ZNF385C: variants seen among roughly 807,000 people sequenced by gnomAD.
ZNF385C encodes zinc finger protein 385C.
In ZNF385C, 28 loss-of-function variants were observed where a neutral mutation model predicts 35.4. The observed-to-expected ratio is 0.79, with a 90% CI of 0.59 to 1.08. ZNF385C has a LOEUF of 1.08. Ranked by LOEUF, ZNF385C falls within the 50% of genes least tolerant of loss-of-function variation. The probability of loss-of-function intolerance (pLI) is 0.00; values close to 1 mark genes in which losing one functional copy is unlikely to be tolerated. For synonymous variants in ZNF385C, 248 were observed against 248.2 expected (o/e 1.00, Z 0.01); for missense variants, 605 against 595.6 (o/e 1.02, Z -0.16).
intron 1 of ZNF385C, among the ~76,000 whole-genome samples, chr17:42,075,943 C>T (rs1182059112): frequency 2.6e-5 from 4 of 152,158 alleles, no homozygotes; most frequent in South Asian, 2.1e-4. Context: ...TAGAGCTGAG[C>T]GTCCTTGAAA....
At chr17:42,086,223 C>T (rs143415501) in intron 1 of ZNF385C, among the ~76,000 whole-genome samples, 2,829 of 151,280 alleles carry the variant, frequency 0.019, 89 homozygotes, top group African/African-American at 0.066. Flanking sequence ...GAAACCCCGT[C>T]TCTACTTAAA....
intron 2 of ZNF385C, among the ~76,000 whole-genome samples, chr17:42,046,753 T>TA (rs1158022730): frequency 6.6e-6 from 1 of 151,198 alleles, no homozygotes; most frequent in Non-Finnish European, 1.5e-5. Context: ...AAAGATAAAA[T>TA]AAAAATAGAA....
chr17:42,036,724 C>G (rs1555655511), intron 3 of ZNF385C, among the ~76,000 whole-genome samples: 2 of 152,036 alleles, frequency 1.3e-5, no homozygotes, highest in African/African-American at 4.8e-5. Flanking sequence ...CAGGGGCCCC[C>G]TGCAATTGGA....
rs781824968 is a variant in ZNF385C, at chr17:42,028,091, G to C, written c.1123C>G (p.Leu375Val). ...QGPSPAFHCA[L>V]CQLQVNSETQ... is the part of the protein sequence containing the mutation. ...TCTGAATTGACCTGGAGCTGACAGAGAGCACAGTGGAAGGCAGGGCTGGGC... is the reference window on the plus strand; with the variant it reads ...TCTGAATTGACCTGGAGCTGACAGACAGCACAGTGGAAGGCAGGGCTGGGC... The change falls in exon 7 of 9, where the codon CTC (leucine) becomes GTC (valine). Residue 375 changes from leucine to valine, a missense_variant. Coordinates refer to ENST00000692273, the MANE Select transcript of ZNF385C (RefSeq NM_001392013.1). 6.2e-7 allele frequency: 1 copy of C among 1,613,766 alleles called. No homozygotes were observed. The highest frequency in any genetic ancestry group is 1.1e-5 in the South Asian group (1 of 91,082).
Position 42,027,079 on chromosome 17 carries a change from G to A in ZNF385C, c.1330C>T (p.Pro444Ser), listed in dbSNP as rs1962385761. ...LTKTLAARFL[P>S]SPLPTAATAI... The stretch of plus-strand genomic sequence containing the variant: ...GTGGCTGCGGTGGGGAGCGGGCTGG[G>A]CAGGAAGCGGGCTGCCAACGTCTTG... The change falls in exon 9 of 9, where the codon CCC becomes TCC. Residue 444 changes from proline (P) to serine (S), a missense_variant. Pro to Ser is a moderately conservative substitution (Grantham distance 74). Coordinates refer to ENST00000692273, the MANE Select transcript of ZNF385C (RefSeq NM_001392013.1). The A allele has an allele frequency of 1.2e-6, 2 of 1,611,956 alleles. No individual in the cohort carries two copies. Among genetic ancestry groups the A allele is most frequent in the Non-Finnish European group, 1.7e-6 (2 of 1,179,062 alleles).
rs1180198871 is a variant in ZNF385C, at chr17:42,037,828, C to T, written c.308G>A (p.Arg103Gln). The change falls in exon 3 of 9, where the codon CGG becomes CAG. Residue 103 changes from arginine to glutamine, a missense_variant. By Grantham distance (43) the Arg-to-Gln change is conservative. Transcript: ENST00000692273. ...PLLASLPLPT[R>Q]PLQPPLDFKH... Reference sequence around the variant, plus strand: ...GAAGTCCAGCGGGGGCTGCAGAGGCCGGGTGGGCAGGGGCAGGGAGGCCAG... The same window carrying T: ...GAAGTCCAGCGGGGGCTGCAGAGGCTGGGTGGGCAGGGGCAGGGAGGCCAG... 1.2e-5 allele frequency: 18 copies of T among 1,519,182 alleles called. No homozygotes were observed. The highest frequency in any genetic ancestry group is 2.0e-4 in the Middle Eastern group (1 of 5,004). 94.1% of individuals were successfully genotyped at this position (1,519,182 alleles called of 1,614,324 possible). A position where few individuals can be genotyped will look rare whatever the true frequency, so the allele number is the denominator to read the frequency against.
chr17:42,093,644 G>A (rs138483791), intron 1 of ZNF385C, among the ~76,000 whole-genome samples: 5 of 149,102 alleles, frequency 3.4e-5, no homozygotes, highest in East Asian at 2.0e-4. Context: ...GCAGTGGCAC[G>A]ATGTTGGCTC....
chr17:42,082,984 G>A (rs2053764890), intron 1 of ZNF385C, among the ~76,000 whole-genome samples: 1 of 151,976 alleles, frequency 6.6e-6, no homozygotes, highest in African/African-American at 2.4e-5. Context: ...GGCTGAGGCA[G>A]GAGAATGGCA....
At chr17:42,055,341 G>A (rs536936346) in intron 2 of ZNF385C, among the ~76,000 whole-genome samples, 19 of 152,076 alleles carry the variant, frequency 1.2e-4, no homozygotes, top group African/African-American at 4.6e-4. Flanking sequence ...CCAGGGCAGG[G>A]ATCTGAGCTA....
intron 2 of ZNF385C, 156 bp from the exon 3 acceptor site, chr17:42,038,041 C>A: frequency 6.5e-7 from 1 of 1,535,768 alleles, no homozygotes; most frequent in Non-Finnish European, 8.7e-7. Flanking sequence ...ATTATAGCCC[C>A]CTTCTCTGTG....
chr17:42,069,169 C>A (rs1555658614), intron 1 of ZNF385C, among the ~76,000 whole-genome samples: 1 of 151,976 alleles, frequency 6.6e-6, no homozygotes, highest in Non-Finnish European at 1.5e-5. Flanking sequence ...GGGAGGGAGC[C>A]ACCCACTTGG....
rs372343455 is a variant in ZNF385C at position 42,028,186 on chromosome 17, C to T, written c.1028G>A (p.Arg343His). Residue 343 changes from arginine to histidine, a missense_variant, in exon 7 of 9, where the codon CGC becomes CAC. Arg to His is a conservative substitution (Grantham distance 29). Transcript: ENST00000692273. ...QRGAPRRSRG[R>H]PVSRGGAGHK... ...TCCGGCACCTCCCCTGGACACCGGG[C>T]GGCCCCGGCTCCTCCGGGGAGCCCC... is the stretch of plus-strand genomic sequence containing the variant. The T allele has an allele frequency of 2.8e-5, 44 of 1,593,876 alleles. No individual in the cohort carries two copies. The highest frequency in any genetic ancestry group is 3.4e-5 in the South Asian group (3 of 89,094).
chr17:42,084,553 A>G (rs1555659989), intron 1 of ZNF385C, among the ~76,000 whole-genome samples: 2 of 152,188 alleles, frequency 1.3e-5, no homozygotes, highest in African/African-American at 4.8e-5. Context: ...TGTTATTAAT[A>G]TAAACGTTTC....
chr17:42,040,000 G>A (rs1162543909), intron 2 of ZNF385C: 5 of 1,230,934 alleles, frequency 4.1e-6, no homozygotes, highest in South Asian at 4.1e-5. Context: ...GGTGCACAGG[G>A]CCCGCGGGCC....
At chr17:42,042,235 A>G (rs2053040822) in intron 2 of ZNF385C, among the ~76,000 whole-genome samples, 1 of 152,052 alleles carries the variant, frequency 6.6e-6, no homozygotes, top group Non-Finnish European at 1.5e-5. Flanking sequence ...AAAACAAAAA[A>G]CAGAGGCCAG....
At chr17:42,092,591 CA>C in intron 1 of ZNF385C, among the ~76,000 whole-genome samples, 1 of 152,178 alleles carries the variant, frequency 6.6e-6, no homozygotes, top group Non-Finnish European at 1.5e-5. Context: ...GCTAAAGTCT[CA>C]CTGGAGGACT....
chr17:42,087,010 C>T (rs951421675), intron 1 of ZNF385C, among the ~76,000 whole-genome samples: 2 of 151,838 alleles, frequency 1.3e-5, no homozygotes, highest in South Asian at 2.1e-4. Context: ...TTAGTAGAGA[C>T]GAGGATTTCT....
intron 1 of ZNF385C, among the ~76,000 whole-genome samples, chr17:42,091,952 T>A (rs782628529): frequency 6.6e-6 from 1 of 152,152 alleles, no homozygotes; most frequent in Non-Finnish European, 1.5e-5. Flanking sequence ...CTGCAGCCTG[T>A]GACTCTTTTA....
chr17:42,079,382 C>CAA (rs571676432), intron 1 of ZNF385C, among the ~76,000 whole-genome samples: 5 of 74,066 alleles, frequency 6.8e-5, no homozygotes, highest in African/African-American at 9.3e-5. Flanking sequence ...GACTCTGTCT[C>CAA]AAAAAAAAAA....
Sources: allele counts gnomAD v4.1 joint callset (sites outside exome capture counted in the v4.1 genomes callset), GRCh38; gene constraint gnomAD v4.1.1; transcripts MANE v1.5; gene names NCBI Gene and HGNC (gene_info 2026-07-23, HGNC 2026-07-21).